TES: variants seen among roughly 807,000 people sequenced by gnomAD.
The protein encoded by TES is testin.
Under a neutral mutation model 48.2 loss-of-function variants are expected in TES, and 41 were observed. The observed-to-expected ratio is 0.85, with a 90% confidence interval of 0.66 to 1.10. The LOEUF (loss-of-function observed/expected upper bound fraction) is 1.10. Among genes scored for constraint, TES ranks in the 50% least tolerant of loss-of-function variants. The pLI is 0.00. For missense variants in TES, 463 were observed against 515.1 expected, an observed-to-expected ratio of 0.90 and a Z score of 0.98; for synonymous variants, 162 against 174.9, an observed-to-expected ratio of 0.93 and a Z score of 0.58.
intron 1 of TES, among the ~76,000 whole-genome samples, chr7:116,211,868 C>A (rs565941465): frequency 6.6e-6 from 1 of 152,228 alleles, no homozygotes; most frequent in African/African-American, 2.4e-5. Flanking sequence ...AAGCTATTGA[C>A]CAATAAAAAC....
intron 4 of TES, 91 bp downstream of exon 4, chr7:116,250,587 G>A: frequency 9.8e-7 from 1 of 1,015,720 alleles, no homozygotes; most frequent in East Asian, 3.1e-5. Flanking sequence ...CTATTCCTCT[G>A]AGTTTCCAAA....
At chr7:116,220,729 A>T (rs1004107) in intron 1 of TES, among the ~76,000 whole-genome samples, 50,707 of 151,850 alleles carry the variant, frequency 0.33, 8,908 homozygotes, top group East Asian at 0.57. Context: ...CAGCTTTAGA[A>T]CCCTGGGTTC....
intron 2 of TES, chr7:116,239,056 G>A (rs1156662423): frequency 5.3e-5 from 8 of 152,224 alleles, no homozygotes; most frequent in African/African-American, 1.9e-4. Flanking sequence ...GCTCATTCTT[G>A]TTGGTAGAAT....
At chr7:116,228,534 C>A (rs993927087) in intron 1 of TES, among the ~76,000 whole-genome samples, 1 of 152,238 alleles carries the variant, frequency 6.6e-6, no homozygotes, top group Admixed American at 6.5e-5. Context: ...GCAGGGAATA[C>A]CGTATCACAT....
Position 116,210,660 on chromosome 7 carries a change from C to T in TES, c.-48C>T, listed in dbSNP as rs1799424132. On this transcript the variant is annotated 5_prime_UTR_variant, in exon 1 of 7. Transcript: ENST00000358204. ...GAGCCGGAGGCCAGCTGAACCCGGC[C>T]GTGGGATCCCGGATAGGAGGAGGAG... 7.7e-6 allele frequency: 10 copies of T among 1,300,718 alleles called. No homozygotes were observed. The highest frequency in any genetic ancestry group is 9.9e-6 in the Non-Finnish European group (10 of 1,013,420). 80.6% of individuals were successfully genotyped at this position (1,300,718 alleles called of 1,614,324 possible). A position where few individuals can be genotyped will look rare whatever the true frequency, so the allele number is the denominator to read the frequency against.
intron 2 of TES, among the ~76,000 whole-genome samples, chr7:116,241,672 C>T (rs1047524807): frequency 6.7e-6 from 1 of 148,998 alleles, no homozygotes; most frequent in Non-Finnish European, 1.5e-5. Context: ...AATTATATGG[C>T]ATAGTATGAC....
chr7:116,254,684 C>T (rs1800068347), intron 6 of TES, among the ~76,000 whole-genome samples: 1 of 151,346 alleles, frequency 6.6e-6, no homozygotes, highest in Non-Finnish European at 1.5e-5. Context: ...TGCAATGAGC[C>T]GAGATCCTGC....
intron 1 of TES, among the ~76,000 whole-genome samples, chr7:116,230,037 C>T (rs1173549643): frequency 6.6e-6 from 1 of 152,104 alleles, no homozygotes; most frequent in Non-Finnish European, 1.5e-5. Flanking sequence ...AAATTTCTTA[C>T]TGAAATGTTC....
chr7:116,224,668 G>A (rs1429693732), intron 1 of TES, among the ~76,000 whole-genome samples: 2 of 151,796 alleles, frequency 1.3e-5, no homozygotes, highest in Middle Eastern at 3.4e-3. Flanking sequence ...TTATCACCTC[G>A]GGGACTTCCA....
At chr7:116,233,923 G>T (rs1799732466) in intron 1 of TES, among the ~76,000 whole-genome samples, 1 of 152,110 alleles carries the variant, frequency 6.6e-6, no homozygotes, top group Non-Finnish European at 1.5e-5. Context: ...AATGAGGGTG[G>T]AGCCCTCATT....
chr7:116,230,756 A>T (rs370019754), intron 1 of TES, among the ~76,000 whole-genome samples: 7 of 151,922 alleles, frequency 4.6e-5, no homozygotes, highest in Non-Finnish European at 7.4e-5. Flanking sequence ...CAGCCCTGTC[A>T]CTCTGAAAGT....
Position 116,258,742 on chromosome 7 carries a change from A to G in TES, c.*1260A>G, listed in dbSNP as rs1800143228. The G allele has an allele frequency of 6.6e-6, 1 of 152,642 alleles. No individual in the cohort carries two copies. Among genetic ancestry groups the G allele is most frequent in the South Asian group, 2.1e-4 (1 of 4,830 alleles). The allele number at this position is 152,642 out of a possible 1,614,324, so 9.5% of individuals were successfully genotyped here. ...GCACTATGAAAATTAAATGGAATGA[A>G]TGATATGTATATTACTCAAAATAAA... On this transcript the variant is annotated 3_prime_UTR_variant, in exon 7 of 7. Transcript: ENST00000358204.
At chr7:116,254,746 AAATAT>A (rs201173492) in intron 6 of TES, among the ~76,000 whole-genome samples, 1,609 of 109,642 alleles carry the variant, frequency 0.015, 13 homozygotes, top group Admixed American at 0.035. Flanking sequence ...GTCTCAAAAA[AAATAT>A]ATATATATGT....
intron 6 of TES, among the ~76,000 whole-genome samples, chr7:116,254,750 AT>A (rs1563016440): frequency 1.6e-4 from 11 of 67,636 alleles, no homozygotes; most frequent in Admixed American, 5.8e-4. Context: ...CAAAAAAAAT[AT>A]ATATATATGT....
At chr7:116,213,038 T>C (rs1231667696) in intron 1 of TES, among the ~76,000 whole-genome samples, 1 of 152,188 alleles carries the variant, frequency 6.6e-6, no homozygotes, top group Non-Finnish European at 1.5e-5. Flanking sequence ...GTGAGTCCCT[T>C]AATAGGCTTG....
chr7:116,224,405 CCT>C (rs1237482110), intron 1 of TES, among the ~76,000 whole-genome samples: 1 of 152,048 alleles, frequency 6.6e-6, no homozygotes, highest in Non-Finnish European at 1.5e-5. Context: ...GCTTCATTGC[CCT>C]GAGTACTGCA....
chr7:116,213,631 G>A (rs1584607048), intron 1 of TES, among the ~76,000 whole-genome samples: 1 of 152,224 alleles, frequency 6.6e-6, no homozygotes, highest in African/African-American at 2.4e-5. Flanking sequence ...AAGACAAGGG[G>A]TTTTTATAAT....
chr7:116,252,405 G>T lies in TES; in HGVS notation c.1006G>T (p.Ala336Ser). 6.2e-7 allele frequency: 1 copy of T among 1,614,202 alleles called. No individual in the cohort carries two copies. Among genetic ancestry groups the T allele is most frequent in the African/African-American group, 1.3e-5 (1 of 75,050 alleles). Residue 336 changes from alanine to serine, a missense_variant, in exon 6 of 7, where the codon GCT becomes TCT. Coordinates refer to ENST00000358204, the MANE Select transcript of TES (RefSeq NM_015641.4). ...FCCFDCDSIL[A>S]GEIYVMVNDK... ...CTGCTTTGACTGTGATAGCATTCTA[G>T]CTGGGGAGATATACGTGATGGTCAA...
intron 1 of TES, among the ~76,000 whole-genome samples, chr7:116,221,170 C>T (rs552932444): frequency 4.0e-5 from 6 of 151,850 alleles, no homozygotes; most frequent in Non-Finnish European, 8.8e-5. Context: ...TTAATGTATC[C>T]TTTTGCTAAT....
Sources: allele counts gnomAD v4.1 joint callset (sites outside exome capture counted in the v4.1 genomes callset), GRCh38; gene constraint gnomAD v4.1.1; transcripts MANE v1.5; gene names NCBI Gene and HGNC (gene_info 2026-07-23, HGNC 2026-07-21).